Variants in NRG1 observed in about 807,000 individuals in gnomAD.
NRG1 encodes the protein neuregulin 1.
A neutral mutation model predicts 63.8 loss-of-function variants in NRG1; 18 were observed. The ratio of observed to expected loss-of-function variants is 0.28; its 90% confidence interval spans 0.19 to 0.42. NRG1 has a LOEUF of 0.42. Among genes scored for constraint, NRG1 ranks in the 10% least tolerant of loss-of-function variants. The pLI, the probability that NRG1 is intolerant of heterozygous loss-of-function variation, is 1.00. For missense variants in NRG1, 762 were observed against 814.7 expected, an observed-to-expected ratio of 0.94 and a Z score of 0.79; for synonymous variants, 302 against 301.3, an observed-to-expected ratio of 1.00 and a Z score of -0.02.
chr8:31,716,437 A>C (rs1047883519), intron 1 of NRG1, among the ~76,000 whole-genome samples: 3 of 152,208 alleles, frequency 2.0e-5, no homozygotes, highest in Admixed American at 6.5e-5. Context: ...TGTGTTAACT[A>C]GGCATTAACA....
rs541615586 is a variant in NRG1 at position 32,526,012 on chromosome 8, G to A, written c.38-69816G>A. 5.3e-5 allele frequency among the ~76,000 whole-genome samples: 8 copies of A among 152,212 alleles called. No individual in the cohort carries two copies. The South Asian group carries it at 8.3e-4, about 16-fold the overall frequency. ...TCATTTTAGTGGCATTTCAAAAGGC[G>A]TACTAGTTACCTATTGCTATATAAC... On this transcript the variant is annotated intron_variant, in intron 1 of 10. Transcript: ENST00000519301.
chr8:32,391,811 A>G (rs541944254), intron 1 of NRG1, among the ~76,000 whole-genome samples: 27 of 152,292 alleles, frequency 1.8e-4, no homozygotes, highest in Admixed American at 5.2e-4. Flanking sequence ...ATTGACAAAA[A>G]TAATAACCCA....
chr8:32,179,277 G>T (rs948696610), intron 1 of NRG1, among the ~76,000 whole-genome samples: 4 of 151,056 alleles, frequency 2.6e-5, no homozygotes, highest in African/African-American at 9.7e-5. Flanking sequence ...TCAGAGAGCT[G>T]CTCCTGATGC....
chr8:31,913,052 C>T (rs1833077448), intron 1 of NRG1, among the ~76,000 whole-genome samples: 1 of 152,012 alleles, frequency 6.6e-6, no homozygotes, highest in South Asian at 2.1e-4. Context: ...TTAATACAAA[C>T]CCTGTAGAAA....
chr8:32,694,045 G>A (rs1357133351), intron 5 of NRG1, among the ~76,000 whole-genome samples: 4 of 152,098 alleles, frequency 2.6e-5, no homozygotes, highest in African/African-American at 9.7e-5. Context: ...TTTTTGGCTT[G>A]GTTTCAGCTG....
chr8:32,410,177 T>G (rs1044552595), intron 1 of NRG1, among the ~76,000 whole-genome samples: 3 of 32,732 alleles, frequency 9.2e-5, no homozygotes, highest in African/African-American at 2.9e-4. Flanking sequence ...TTTTCTTTCC[T>G]TTTTTTTTTT....
At chr8:32,702,249 C>G (rs909063192) in intron 5 of NRG1, among the ~76,000 whole-genome samples, 25 of 152,198 alleles carry the variant, frequency 1.6e-4, no homozygotes, top group Non-Finnish European at 3.5e-4. Context: ...TCTAGGACAT[C>G]ACTCTCATGT....
At chr8:32,424,837 G>A (rs926166850) in intron 1 of NRG1, among the ~76,000 whole-genome samples, 1 of 152,114 alleles carries the variant, frequency 6.6e-6, no homozygotes, top group African/African-American at 2.4e-5. Flanking sequence ...TCCAGCCTGG[G>A]TGAGAGTGAG....
intron 1 of NRG1, among the ~76,000 whole-genome samples, chr8:32,496,067 C>G (rs999189959): frequency 2.0e-5 from 3 of 152,094 alleles, no homozygotes; most frequent in African/African-American, 7.2e-5. Flanking sequence ...TGATATTAAA[C>G]TGAACAAATA....
chr8:31,846,137 C>T (rs1311487351), intron 1 of NRG1, among the ~76,000 whole-genome samples: 1 of 152,224 alleles, frequency 6.6e-6, no homozygotes, highest in Non-Finnish European at 1.5e-5. Context: ...GACCTTCTCA[C>T]AGATTTTCAT....
intron 1 of NRG1, among the ~76,000 whole-genome samples, chr8:31,659,668 C>T (rs1805779906): frequency 6.6e-6 from 1 of 152,162 alleles, no homozygotes; most frequent in Non-Finnish European, 1.5e-5. Flanking sequence ...CCAGACTCCA[C>T]TTTCTTAACT....
chr8:32,337,964 A>AC (rs1803538963), intron 1 of NRG1, among the ~76,000 whole-genome samples: 1 of 152,142 alleles, frequency 6.6e-6, no homozygotes, highest in Non-Finnish European at 1.5e-5. Context: ...TCAGTATTAT[A>AC]CTTTAATTAT....
intron 1 of NRG1, among the ~76,000 whole-genome samples, chr8:31,756,017 T>G (rs1022460048): frequency 6.6e-6 from 1 of 152,136 alleles, no homozygotes; most frequent in Non-Finnish European, 1.5e-5. Flanking sequence ...TATTTCTACA[T>G]ACCCCTCTGT....
intron 1 of NRG1, among the ~76,000 whole-genome samples, chr8:32,535,275 T>C (rs1831844155): frequency 6.6e-6 from 1 of 152,214 alleles, no homozygotes; most frequent in African/African-American, 2.4e-5. Context: ...TTCAGGACCA[T>C]GGACCTCCTT....
At chr8:32,579,382 CTT>C (rs888906858) in intron 1 of NRG1, among the ~76,000 whole-genome samples, 2 of 152,078 alleles carry the variant, frequency 1.3e-5, no homozygotes, top group South Asian at 2.1e-4. Context: ...GGTGATCTGA[CTT>C]TTCATTTTAC....
chr8:31,959,794 A>ATTTAT (rs370990011), intron 1 of NRG1, among the ~76,000 whole-genome samples: 2 of 122,312 alleles, frequency 1.6e-5, no homozygotes, highest in Admixed American at 8.6e-5. Context: ...TTATTTATTT[A>ATTTAT]TTATTTATTT....
chr8:31,775,296 C>G (rs1819011275), intron 1 of NRG1, among the ~76,000 whole-genome samples: 1 of 152,140 alleles, frequency 6.6e-6, no homozygotes, highest in Admixed American at 6.5e-5. Flanking sequence ...TTTGCATCAA[C>G]AGGTATGAAC....
Position 32,259,331 on chromosome 8 carries a change from GCAGGAGTGGGTTAGTTATCA to G in NRG1, c.38-336478_38-336459del, listed in dbSNP as rs1347537662. Reference sequence around the variant, plus strand: ...TCATAAATACATTAATGTCATTATTGCAGGAGTGGGTTAGTTATCACAGGAGTGGGTTAGTTATTGTGGGA... The same window carrying G: ...TCATAAATACATTAATGTCATTATTGCAGGAGTGGGTTAGTTATTGTGGGA... On this transcript the variant is annotated intron_variant, in intron 1 of 10. Transcript: ENST00000519301. 9.2e-5 allele frequency among the ~76,000 whole-genome samples: 14 copies of G among 152,292 alleles called. No individual in the cohort carries two copies. The South Asian group carries it at 1.9e-3, about 20-fold the overall frequency.
intron 1 of NRG1, among the ~76,000 whole-genome samples, chr8:32,150,403 T>A (rs1277018938): frequency 6.6e-6 from 1 of 152,044 alleles, no homozygotes; most frequent in Non-Finnish European, 1.5e-5. Context: ...AGAGATAAGG[T>A]CTTTGGGGAA....
Sources: allele counts gnomAD v4.1 joint callset (sites outside exome capture counted in the v4.1 genomes callset), GRCh38; gene constraint gnomAD v4.1.1; transcripts MANE v1.5; gene names NCBI Gene and HGNC (gene_info 2026-07-23, HGNC 2026-07-21).